PEX5: variants seen among roughly 807,000 people sequenced by gnomAD.
PEX5 encodes the protein PTS1 receptor.
Under a neutral mutation model 82.9 loss-of-function variants are expected in PEX5, and 52 were observed. That is an observed-to-expected ratio of 0.63 (90% CI 0.50 to 0.79). The LOEUF (loss-of-function observed/expected upper bound fraction) is 0.79, where lower values mean the gene tolerates loss of function less well. Ranked by LOEUF, PEX5 falls within the 30% of genes least tolerant of loss-of-function variation. The pLI, the probability that PEX5 is intolerant of heterozygous loss-of-function variation, is 0.00. For synonymous variants in PEX5, 300 were observed against 318.8 expected (o/e 0.94, Z 0.63); for missense variants, 719 against 815.2 (o/e 0.88, Z 1.44).
Position 7,202,615 on chromosome 12 carries a change from A to C in PEX5, c.757A>C (p.Thr253Pro). The change falls in exon 9 of 16, where the codon ACA (threonine) becomes CCA (proline). Residue 253 changes from threonine to proline, a missense_variant. Transcript: ENST00000675855. Reference sequence around the variant, plus strand: ...TGACCATCCTTTTTTGTCGCAGGGTACATCAGATGCCTGGGTTGACCAGTT... The same window carrying C: ...TGACCATCCTTTTTTGTCGCAGGGTCCATCAGATGCCTGGGTTGACCAGTT... The part of the protein sequence containing the change: ...WAAEFIQQQG[T>P]SDAWVDQFTR... The C allele has an allele frequency of 1.2e-6, 2 of 1,613,790 alleles. No individual in the cohort carries two copies. The highest frequency in any genetic ancestry group is 1.7e-6 in the Non-Finnish European group (2 of 1,179,652).
chr12:7,189,136 G>A (rs1940424771), upstream of PEX5: 1 of 152,210 alleles, frequency 6.6e-6, no homozygotes, highest in Non-Finnish European at 1.5e-5. Context: ...TAAGGCGGGG[G>A]CGGGCCCCTG....
At chr12:7,190,304 T>C (rs1191835131) in intron 1 of PEX5, 58 bp from the exon 2 acceptor site, 8 of 1,602,552 alleles carry the variant, frequency 5.0e-6, no homozygotes, top group African/African-American at 1.3e-5. Context: ...GGCAGAGTTG[T>C]GGATGTGAGA....
At chr12:7,199,838 C>A in intron 6 of PEX5, among the ~76,000 whole-genome samples, 1 of 131,848 alleles carries the variant, frequency 7.6e-6, no homozygotes, top group African/African-American at 2.8e-5. Context: ...GGGGGGCTGA[C>A]CCCCACCTCC....
chr12:7,213,997 G>A (rs920404131), downstream of PEX5, among the ~76,000 whole-genome samples: 9 of 151,540 alleles, frequency 5.9e-5, no homozygotes, highest in Admixed American at 3.9e-4. Context: ...GGCCATCAGA[G>A]AAATGCAAAT....
downstream of PEX5, among the ~76,000 whole-genome samples, chr12:7,214,457 A>G (rs1407014971): frequency 6.6e-6 from 1 of 151,312 alleles, no homozygotes; most frequent in Non-Finnish European, 1.5e-5. Context: ...TCAGTAAACT[A>G]TCACAAGAAC....
intron 6 of PEX5, among the ~76,000 whole-genome samples, chr12:7,201,166 C>T (rs1267317969): frequency 2.0e-5 from 1 of 49,186 alleles, no homozygotes; most frequent in Non-Finnish European, 6.1e-5. Context: ...CATATATACA[C>T]ACATACACAT....
chr12:7,191,495 G>C lies in PEX5; in HGVS notation c.317-74G>C, dbSNP rs988603458. On this transcript the variant is annotated intron_variant, in intron 4 of 15. Coordinates refer to ENST00000675855, the MANE Select transcript of PEX5 (RefSeq NM_001351132.2). ...AAAAGTAACAGAGTGTTTTCACGTG[G>C]ATTCAGGGTTCTTTAGGCATGATGG... The C allele has an allele frequency of 4.4e-6, 7 of 1,600,456 alleles. No homozygotes were observed. In the African/African-American group the frequency reaches 6.7e-5, roughly 15 times the overall value.
At chr12:7,194,079 T>C (rs1360076837) in intron 5 of PEX5, among the ~76,000 whole-genome samples, 1 of 152,228 alleles carries the variant, frequency 6.6e-6, no homozygotes, top group East Asian at 1.9e-4. Flanking sequence ...TTGTCGTAAC[T>C]GACTTTTTTT....
At chr12:7,203,375 T>A (rs1193382051) in intron 9 of PEX5, 57 bp from the exon 10 acceptor site, 1 of 1,560,654 alleles carries the variant, frequency 6.4e-7, no homozygotes, top group East Asian at 2.3e-5. Flanking sequence ...GAGCTGAGTG[T>A]GGGGTGGGGT....
Position 7,202,369 on chromosome 12 carries a change from T to C in PEX5, c.753+18T>C, listed in dbSNP as rs1335833223. 6.2e-7 allele frequency: 1 copy of C among 1,613,938 alleles called. No homozygotes were observed. The highest frequency in any genetic ancestry group is 1.1e-5 in the South Asian group (1 of 91,060). On this transcript the variant is annotated intron_variant, in intron 8 of 15. Transcript: ENST00000675855. Reference sequence around the variant, plus strand: ...AGCAGCAGGTAGGACATTGTCACTTTCCAGTCCCACTTCAGAGCCAGCTGA... The same window carrying C: ...AGCAGCAGGTAGGACATTGTCACTTCCCAGTCCCACTTCAGAGCCAGCTGA...
At chr12:7,203,388 T>C in intron 9 of PEX5, 44 bp from the exon 10 acceptor site, 1 of 1,583,784 alleles carries the variant, frequency 6.3e-7, no homozygotes, top group Non-Finnish European at 8.6e-7. Flanking sequence ...GGTGGGGTGG[T>C]CATGATGGAT....
At chr12:7,213,927 CTT>C (rs1022884775), downstream of PEX5, among the ~76,000 whole-genome samples, 683 of 152,252 alleles carry the variant, frequency 4.5e-3, 7 homozygotes, top group African/African-American at 0.015. Context: ...TGAACAGACA[CTT>C]TTCAAAAGAA....
downstream of PEX5, among the ~76,000 whole-genome samples, chr12:7,212,457 G>C (rs1176831086): frequency 5.1e-5 from 3 of 58,256 alleles, no homozygotes; most frequent in Admixed American, 2.6e-4. Flanking sequence ...GAGCTCAAAA[G>C]CTGCCAGAAA....
Position 7,207,663 on chromosome 12 carries a change from A to G in PEX5, c.971A>G (p.Tyr324Cys), listed in dbSNP as rs755563350. The stretch of plus-strand genomic sequence containing the variant: ...TCTCACGTGCTTTTCTTGTAGGGGT[A>G]CCAGTTTGAGGAGGAGAACCCCTTG... Reference protein sequence around the residue: ...DLTSATYDKGYQFEEENPLRD... With the variant: ...DLTSATYDKGCQFEEENPLRD... Residue 324 changes from tyrosine to cysteine, a missense_variant, in exon 11 of 16, where the codon TAC becomes TGC. Transcript: ENST00000675855. The G allele has an allele frequency of 6.2e-7, 1 of 1,613,996 alleles. No individual in the cohort carries two copies. The highest frequency in any genetic ancestry group is 8.5e-7 in the Non-Finnish European group (1 of 1,179,940).
Position 7,210,293 on chromosome 12 carries a change from CA to C in PEX5, c.*73del. 6.8e-7 allele frequency: 1 copy of C among 1,471,538 alleles called. No homozygotes were observed. 91.2% of individuals were successfully genotyped at this position (1,471,538 alleles called of 1,614,324 possible). ...CGCTTTGGATGTGATTCCCTCTCCC[CA>C]AATGGGCCTACCAAGGGGGCGGGCT... On this transcript the variant is annotated 3_prime_UTR_variant, in exon 16 of 16. Transcript: ENST00000675855.
At chr12:7,192,433 C>T (rs1014597281) in intron 5 of PEX5, among the ~76,000 whole-genome samples, 2 of 152,174 alleles carry the variant, frequency 1.3e-5, no homozygotes, top group African/African-American at 4.8e-5. Context: ...TGCTTTGCTA[C>T]AGACTTAAAG....
Position 7,199,035 on chromosome 12 carries a change from G to T in PEX5, c.473G>T (p.Arg158Leu), listed in dbSNP as rs140456601. 6.2e-7 allele frequency: 1 copy of T among 1,605,546 alleles called. No individual in the cohort carries two copies. Among genetic ancestry groups the T allele is most frequent in the East Asian group, 2.2e-5 (1 of 44,654 alleles). ...VTDPLSVSPA[R>L]WAEEYLEQSE... is the part of the protein sequence containing the mutation. ...GACCCCTTGTCTGTGTCCCCTGCCC[G>T]CTGGGCTGAGGAATATTTGGAGCAA... Residue 158 changes from arginine to leucine, a missense_variant, in exon 6 of 16, where the codon CGC (arginine) becomes CTC (leucine). Coordinates refer to ENST00000675855, the MANE Select transcript of PEX5 (RefSeq NM_001351132.2).
chr12:7,189,796 C>A, intron 1 of PEX5, 46 bp downstream of exon 1: 1 of 670,366 alleles, frequency 1.5e-6, no homozygotes, highest in Non-Finnish European at 2.2e-6. Context: ...TCCCTGGGCC[C>A]TCCCCACCCT....
intron 2 of PEX5, 40 bp from the exon 3 acceptor site, chr12:7,190,848 A>G: frequency 6.3e-7 from 1 of 1,599,178 alleles, no homozygotes; most frequent in African/African-American, 1.3e-5. Flanking sequence ...CTGATTTTAG[A>G]GGAACTGCGT....
Sources: allele counts gnomAD v4.1 joint callset (sites outside exome capture counted in the v4.1 genomes callset), GRCh38; gene constraint gnomAD v4.1.1; transcripts MANE v1.5; gene names NCBI Gene and HGNC (gene_info 2026-07-23, HGNC 2026-07-21).